GSE1: variants seen among roughly 807,000 people sequenced by gnomAD.
GSE1 encodes genetic suppressor element 1.
GSE1 carries 32 observed loss-of-function variants against 112.6 expected under a neutral mutation model. That is an observed-to-expected ratio of 0.28 (90% confidence interval 0.21 to 0.38). GSE1 has a LOEUF of 0.38. GSE1 is among the 10% of genes least tolerant of loss of function. GSE1 has a pLI of 1.00. For missense variants in GSE1, 2,348 were observed against 1,699.2 expected, an observed-to-expected ratio of 1.38 and a Z score of -6.71; for synonymous variants, 1,115 against 735.6, an observed-to-expected ratio of 1.52 and a Z score of -8.35.
chr16:85,456,644 T>A (rs1297848717), intron 2 of GSE1, among the ~76,000 whole-genome samples: 1 of 114,026 alleles, frequency 8.8e-6, no homozygotes, highest in Non-Finnish European at 1.9e-5. Context: ...GTGTGTGGTC[T>A]GCCATTTTTG....
In GSE1 at chr16:85,656,405, G is replaced by A. The variant is rs374600357; in HGVS notation, c.1052G>A (p.Arg351His). 1.2e-4 allele frequency: 183 copies of A among 1,544,898 alleles called. No individual in the cohort carries two copies. The highest frequency in any genetic ancestry group is 1.5e-4 in the Non-Finnish European group (166 of 1,133,312). ...RERERERERE[R>H]EADREREKER... is the part of the protein sequence containing the mutation. ...CGCGAGCGCGAGCGCGAGCGTGAGC[G>A]TGAGGCTGACCGCGAGCGGGAGAAG... Residue 351 changes from arginine to histidine, a missense_variant, in exon 7 of 16, where the codon CGT becomes CAT. Coordinates refer to ENST00000253458, the MANE Select transcript of GSE1 (RefSeq NM_014615.5).
At chr16:85,670,030 C>A (rs1331102487) in intron 14 of GSE1, among the ~76,000 whole-genome samples, 1 of 152,232 alleles carries the variant, frequency 6.6e-6, no homozygotes, top group East Asian at 1.9e-4. Flanking sequence ...GTTAGATTTT[C>A]AGTTGCATTG....
intron 2 of GSE1, among the ~76,000 whole-genome samples, chr16:85,379,701 G>A (rs2047503077): frequency 6.6e-6 from 1 of 152,206 alleles, no homozygotes; most frequent in African/African-American, 2.4e-5. Context: ...CCACTGAAGG[G>A]GCGCCAGGAG....
chr16:85,238,367 C>G (rs763137922), intron 1 of GSE1, among the ~76,000 whole-genome samples: 11 of 152,216 alleles, frequency 7.2e-5, no homozygotes, highest in Non-Finnish European at 1.3e-4. Context: ...CCAAGGGGGG[C>G]GGTGTTCCGG....
intron 1 of GSE1, among the ~76,000 whole-genome samples, chr16:85,244,088 T>A (rs746571450): frequency 1.3e-5 from 2 of 152,100 alleles, no homozygotes; most frequent in Non-Finnish European, 2.9e-5. Flanking sequence ...ATTGCACCAT[T>A]GCACTCCAGC....
intron 2 of GSE1, among the ~76,000 whole-genome samples, chr16:85,477,457 T>G (rs895627394): frequency 1.3e-5 from 2 of 151,622 alleles, no homozygotes; most frequent in Admixed American, 6.6e-5. Flanking sequence ...CAGCTGGGTC[T>G]GCTCGGCACC....
chr16:85,666,509 G>C, intron 13 of GSE1, 162 bp downstream of exon 13: 2 of 686,492 alleles, frequency 2.9e-6, no homozygotes, highest in East Asian at 2.7e-5. Context: ...AACCATGTTT[G>C]TTTGTTTATC....
chr16:85,427,276 G>A (rs1330827628), intron 2 of GSE1, among the ~76,000 whole-genome samples: 1 of 152,216 alleles, frequency 6.6e-6, no homozygotes, highest in Non-Finnish European at 1.5e-5. Context: ...ACAAATGTGA[G>A]CCACGTGCTG....
At chr16:85,525,088 G>GC (rs1336094633) in intron 2 of GSE1, among the ~76,000 whole-genome samples, 4 of 152,186 alleles carry the variant, frequency 2.6e-5, no homozygotes, top group Admixed American at 1.3e-4. Context: ...ACGTCTGCTG[G>GC]CCCGGGGGGT....
intron 1 of GSE1, among the ~76,000 whole-genome samples, chr16:85,221,596 C>T (rs1007743963): frequency 2.6e-5 from 4 of 152,168 alleles, no homozygotes; most frequent in Non-Finnish European, 5.9e-5. Flanking sequence ...CCCCAACTCC[C>T]CAGCCAGGGC....
At chr16:85,571,322 A>G (rs973542833) in intron 1 of GSE1, among the ~76,000 whole-genome samples, 1 of 152,250 alleles carries the variant, frequency 6.6e-6, no homozygotes, top group Admixed American at 6.5e-5. Flanking sequence ...ATCCGTGGCT[A>G]TCAGACCTGA....
chr16:85,308,761 T>C (rs1404438988), intron 1 of GSE1, among the ~76,000 whole-genome samples: 3 of 151,606 alleles, frequency 2.0e-5, no homozygotes, highest in Admixed American at 6.6e-5. Flanking sequence ...TCAGTCTGAA[T>C]CAGAGAGGTT....
At chr16:85,395,939 T>C (rs529598021) in intron 2 of GSE1, among the ~76,000 whole-genome samples, 1 of 152,304 alleles carries the variant, frequency 6.6e-6, no homozygotes, top group East Asian at 1.9e-4. Flanking sequence ...CCCCCCAGCC[T>C]GCAGAGCCCA....
intron 1 of GSE1, among the ~76,000 whole-genome samples, chr16:85,354,589 G>GC (rs1277222472): frequency 6.6e-6 from 1 of 152,190 alleles, no homozygotes; most frequent in East Asian, 1.9e-4. Context: ...CAGAACCCTG[G>GC]CCCCCCAGCT....
intron 1 of GSE1, among the ~76,000 whole-genome samples, chr16:85,565,088 G>A (rs999632015): frequency 6.6e-6 from 1 of 152,068 alleles, no homozygotes; most frequent in Non-Finnish European, 1.5e-5. Flanking sequence ...TGGGAACCTG[G>A]GTTCTTAAAA....
chr16:85,474,375 TG>T (rs2050387278), intron 2 of GSE1, among the ~76,000 whole-genome samples: 1 of 152,092 alleles, frequency 6.6e-6, no homozygotes, highest in Admixed American at 6.5e-5. Context: ...TGGCAGCTGC[TG>T]TTGCTGGGAG....
At chr16:85,304,802 C>G (rs1045803331) in intron 1 of GSE1, among the ~76,000 whole-genome samples, 1 of 152,224 alleles carries the variant, frequency 6.6e-6, no homozygotes, top group Non-Finnish European at 1.5e-5. Context: ...TCTGCAGCCA[C>G]AGAATGACTC....
chr16:85,328,677 G>A (rs922475986), intron 1 of GSE1, among the ~76,000 whole-genome samples: 2 of 152,240 alleles, frequency 1.3e-5, no homozygotes, highest in Non-Finnish European at 2.9e-5. Flanking sequence ...TCTGCAGTGG[G>A]GCAGGGAATT....
chr16:85,412,946 T>G (rs1597675074), intron 2 of GSE1, among the ~76,000 whole-genome samples: 1 of 152,320 alleles, frequency 6.6e-6, no homozygotes, highest in East Asian at 1.9e-4. Context: ...TGACCATGTG[T>G]CCGTGAAGCC....
Sources: allele counts gnomAD v4.1 joint callset (sites outside exome capture counted in the v4.1 genomes callset), GRCh38; gene constraint gnomAD v4.1.1; transcripts MANE v1.5; gene names NCBI Gene and HGNC (gene_info 2026-07-23, HGNC 2026-07-21).